The following ERBB4 variants were observed in gnomAD, a reference collection of about 807,000 sequenced individuals.
The protein encoded by ERBB4 is erb-b2 receptor tyrosine kinase 4.
Under a neutral mutation model 158.0 loss-of-function variants are expected in ERBB4, and 42 were observed. The ratio of observed to expected loss-of-function variants is 0.27; its 90% confidence interval spans 0.21 to 0.34. The LOEUF is 0.34. Ranked by LOEUF, ERBB4 falls within the 10% of genes least tolerant of loss-of-function variation. The pLI is 1.00. For missense variants in ERBB4, 1,333 were observed against 1,624.1 expected, an observed-to-expected ratio of 0.82 and a Z score of 3.08; for synonymous variants, 583 against 558.7, an observed-to-expected ratio of 1.04 and a Z score of -0.61.
At chr2:211,735,735 C>G (rs1425545250) in intron 5 of ERBB4, among the ~76,000 whole-genome samples, 1 of 151,902 alleles carries the variant, frequency 6.6e-6, no homozygotes, top group Non-Finnish European at 1.5e-5. Flanking sequence ...GTCTATACCT[C>G]AGAAAAAGAG....
At chr2:212,378,887 CT>C (rs2090414461) in intron 1 of ERBB4, among the ~76,000 whole-genome samples, 2 of 151,896 alleles carry the variant, frequency 1.3e-5, no homozygotes, top group East Asian at 3.9e-4. Context: ...CTATTTAAAA[CT>C]GATGATTTTA....
chr2:211,748,229 GAC>G (rs1480158428), intron 5 of ERBB4, among the ~76,000 whole-genome samples: 3 of 151,698 alleles, frequency 2.0e-5, no homozygotes, highest in Non-Finnish European at 4.4e-5. Flanking sequence ...CATAAAATAA[GAC>G]ACAGATGAAA....
intron 1 of ERBB4, among the ~76,000 whole-genome samples, chr2:212,357,832 G>C (rs35181450): frequency 0.05 from 7,667 of 151,896 alleles, 245 homozygotes; most frequent in South Asian, 0.15. Context: ...TGTGGTGTGG[G>C]GGGACAAAGT....
chr2:211,458,770 C>G (rs934803409), intron 20 of ERBB4, among the ~76,000 whole-genome samples: 1 of 152,148 alleles, frequency 6.6e-6, no homozygotes, highest in African/African-American at 2.4e-5. Context: ...CTAAAACACA[C>G]ACTACTAACA....
intron 3 of ERBB4, among the ~76,000 whole-genome samples, chr2:211,899,144 G>C (rs1031576028): frequency 6.6e-6 from 1 of 152,074 alleles, no homozygotes; most frequent in Non-Finnish European, 1.5e-5. Context: ...ACAACCGTGG[G>C]ATTCTTGGAA....
intron 4 of ERBB4, among the ~76,000 whole-genome samples, chr2:211,764,111 T>C (rs2075487845): frequency 6.6e-6 from 1 of 152,186 alleles, no homozygotes; most frequent in Non-Finnish European, 1.5e-5. Flanking sequence ...TTTTCAGTAA[T>C]TCACCTTCGA....
At chr2:211,966,366 T>C (rs999296075) in intron 2 of ERBB4, among the ~76,000 whole-genome samples, 5 of 152,062 alleles carry the variant, frequency 3.3e-5, no homozygotes, top group African/African-American at 9.7e-5. Flanking sequence ...CTCAGCCTCC[T>C]GAAGAGCTGG....
intron 4 of ERBB4, among the ~76,000 whole-genome samples, chr2:211,773,629 T>TATATATATATATATATATATA (rs2075785204): frequency 2.9e-4 from 15 of 51,058 alleles, no homozygotes; most frequent in Non-Finnish European, 5.7e-4. Flanking sequence ...TATATATATA[T>TATATATATATATATATATATA]ATATATATAT....
intron 3 of ERBB4, among the ~76,000 whole-genome samples, chr2:211,824,393 G>C (rs2077052698): frequency 6.6e-6 from 1 of 151,912 alleles, no homozygotes; most frequent in African/African-American, 2.4e-5. Context: ...ATTATGGAAG[G>C]CAAGGATAGG....
intron 1 of ERBB4, among the ~76,000 whole-genome samples, chr2:212,379,274 T>A (rs960180431): frequency 2.0e-5 from 3 of 151,758 alleles, no homozygotes; most frequent in Non-Finnish European, 4.4e-5. Context: ...CATTTGCTCA[T>A]GTTTAAACAA....
At chr2:211,660,358 G>A (rs2071377107) in intron 15 of ERBB4, among the ~76,000 whole-genome samples, 1 of 152,196 alleles carries the variant, frequency 6.6e-6, no homozygotes, top group Admixed American at 6.5e-5. Flanking sequence ...CTGTGTTGGA[G>A]GCAGAAGAAC....
intron 1 of ERBB4, among the ~76,000 whole-genome samples, chr2:212,481,711 T>A (rs1689707497): frequency 6.6e-6 from 1 of 152,140 alleles, no homozygotes; most frequent in African/African-American, 2.4e-5. Flanking sequence ...GTTTGGAAAA[T>A]GTCTTCAGCA....
chr2:211,743,069 A>G (rs1436688410), intron 5 of ERBB4, among the ~76,000 whole-genome samples: 3 of 152,046 alleles, frequency 2.0e-5, no homozygotes, highest in Non-Finnish European at 4.4e-5. Context: ...GTATCTGTTC[A>G]CTCCAGTGGT....
At chr2:212,513,054 G>C (rs145191975) in intron 1 of ERBB4, among the ~76,000 whole-genome samples, 132 of 152,184 alleles carry the variant, frequency 8.7e-4, no homozygotes, top group African/African-American at 3.1e-3. Context: ...ACTCATTTCA[G>C]AAACTGTCTT....
intron 12 of ERBB4, among the ~76,000 whole-genome samples, chr2:211,693,244 T>G (rs1023534894): frequency 1.3e-5 from 2 of 152,122 alleles, no homozygotes; most frequent in Admixed American, 1.3e-4. Context: ...AAAAATAAAA[T>G]GAATCCAAAA....
chr2:212,186,512 G>A (rs1422852722), intron 1 of ERBB4, among the ~76,000 whole-genome samples: 1 of 141,678 alleles, frequency 7.1e-6, no homozygotes, highest in Non-Finnish European at 1.6e-5. Context: ...CAGTAAATCA[G>A]GATCTTCCTT....
intron 7 of ERBB4, among the ~76,000 whole-genome samples, chr2:211,719,704 A>T (rs556212886): frequency 2.5e-4 from 38 of 151,936 alleles, no homozygotes; most frequent in African/African-American, 8.2e-4. Flanking sequence ...AAATCCAAAA[A>T]ATTAGCCAAG....
At chr2:211,792,918 T>C (rs1298911120) in intron 3 of ERBB4, among the ~76,000 whole-genome samples, 1 of 151,892 alleles carries the variant, frequency 6.6e-6, no homozygotes, top group Non-Finnish European at 1.5e-5. Context: ...TGGGGATGAG[T>C]GCCCATTAAC....
At chr2:211,656,954 A>C (rs1247006206) in intron 16 of ERBB4, among the ~76,000 whole-genome samples, 6 of 152,166 alleles carry the variant, frequency 3.9e-5, no homozygotes, top group Admixed American at 6.5e-5. Flanking sequence ...AATGAGTCTT[A>C]CGTTTTGTTT....
Sources: allele counts gnomAD v4.1 joint callset (sites outside exome capture counted in the v4.1 genomes callset), GRCh38; gene constraint gnomAD v4.1.1; transcripts MANE v1.5; gene names NCBI Gene and HGNC (gene_info 2026-07-23, HGNC 2026-07-21).